The following GAS7 variants were observed in gnomAD, a reference collection of about 807,000 sequenced individuals.
GAS7 encodes growth arrest specific 7.
A neutral mutation model predicts 71.1 loss-of-function variants in GAS7; 28 were observed. The observed-to-expected ratio is 0.39, with a 90% CI of 0.29 to 0.54. The LOEUF (loss-of-function observed/expected upper bound fraction) is 0.54, where lower values mean the gene tolerates loss of function less well. GAS7 is among the 20% of genes least tolerant of loss of function. The pLI is 0.62. For synonymous variants in GAS7, 258 were observed against 245.8 expected (o/e 1.05, Z -0.46); for missense variants, 436 against 627.8 (o/e 0.69, Z 3.27).
chr17:10,037,879 T>A (rs1453428821), intron 1 of GAS7, among the ~76,000 whole-genome samples: 1 of 151,790 alleles, frequency 6.6e-6, no homozygotes, highest in Admixed American at 6.6e-5. Flanking sequence ...GAGTCCAGAC[T>A]GAACAATAAA....
intron 9 of GAS7, among the ~76,000 whole-genome samples, chr17:9,931,366 A>C (rs535706593): frequency 1.3e-5 from 2 of 152,318 alleles, no homozygotes; most frequent in East Asian, 3.9e-4. Context: ...CACTCTAAAC[A>C]ATCAAGAATC....
At position 10,165,998 on chromosome 17, in the gene GAS7, T is replaced by C. The variant is rs1241723764; in HGVS notation, c.183+32210A>G. Among the ~76,000 whole-genome samples, 5 of 126,090 alleles carry C rather than the reference T, an allele frequency of 4.0e-5. No homozygotes were observed. In the East Asian group the frequency reaches 1.1e-3, roughly 27 times the overall value. 82.7% of individuals were successfully genotyped at this position (126,090 alleles called of 152,430 possible). On this transcript the variant is annotated intron_variant, in intron 1 of 13. Coordinates refer to ENST00000432992, the MANE Select transcript of GAS7 (RefSeq NM_201433.2). ...ACCAGGAACCCAGGACTCCTGGCTT[T>C]CTTTTTCTTTTTCTTTTTTTTTTTT...
At position 9,920,910 on chromosome 17, in the gene GAS7, T is replaced by C. The variant is rs566336721; in HGVS notation, c.1139-1205A>G. Among the ~76,000 whole-genome samples, 87 of 152,254 alleles carry C rather than the reference T, an allele frequency of 5.7e-4. No individual in the cohort carries two copies. The Middle Eastern group carries it at 0.014, about 24-fold the overall frequency. ...CCTATAGTATCATCATTGTGGCTCA[T>C]AGGTACTCTGATAGGAAAGTCAAAG... On this transcript the variant is annotated intron_variant, in intron 11 of 13. Transcript: ENST00000432992.
intron 1 of GAS7, among the ~76,000 whole-genome samples, chr17:10,047,258 G>A (rs1170252104): frequency 1.3e-5 from 2 of 152,186 alleles, no homozygotes; most frequent in African/African-American, 4.8e-5. Context: ...GAGACCCCAG[G>A]AACTGTGAGT....
chr17:10,184,962 T>C (rs1252611699), intron 1 of GAS7, among the ~76,000 whole-genome samples: 1 of 149,990 alleles, frequency 6.7e-6, no homozygotes, highest in African/African-American at 2.5e-5. Context: ...TGTTGCTGTG[T>C]CTCACTCAGG....
intron 1 of GAS7, among the ~76,000 whole-genome samples, chr17:10,024,728 T>G (rs145940798): frequency 9.8e-4 from 149 of 152,234 alleles, no homozygotes; most frequent in Middle Eastern, 3.4e-3. Context: ...CAATGATATA[T>G]ATGGAAAGAG....
At chr17:10,158,382 C>T (rs189410618) in intron 1 of GAS7, among the ~76,000 whole-genome samples, 2 of 148,736 alleles carry the variant, frequency 1.3e-5, no homozygotes, top group Non-Finnish European at 3.0e-5. Flanking sequence ...GCAGGGGGCT[C>T]GCATCTGTAA....
chr17:10,085,919 T>G (rs1433535573), intron 1 of GAS7, among the ~76,000 whole-genome samples: 1 of 152,178 alleles, frequency 6.6e-6, no homozygotes, highest in Non-Finnish European at 1.5e-5. Flanking sequence ...CAAATCTGTC[T>G]AACTTGAAAA....
At chr17:10,153,018 C>G (rs536033846) in intron 1 of GAS7, among the ~76,000 whole-genome samples, 1 of 144,974 alleles carries the variant, frequency 6.9e-6, no homozygotes, top group East Asian at 2.0e-4. Context: ...CATGGTAAAA[C>G]CCCATCCCCA....
rs865836334 is a variant in GAS7, at chr17:9,994,152, C to A, written c.305-12268G>T. 5.6e-3 allele frequency among the ~76,000 whole-genome samples: 838 copies of A among 148,426 alleles called. 5 individuals are homozygous for A. The highest frequency in any genetic ancestry group is 8.0e-3 in the Non-Finnish European group (538 of 66,934). On this transcript the variant is annotated intron_variant, in intron 2 of 13. Coordinates refer to ENST00000432992, the MANE Select transcript of GAS7 (RefSeq NM_201433.2). ...TGCCATCCCCATCAAGCTACCAATG[C>A]CTTTCTTCACAGAATTGGAAAAAAC...
At chr17:10,190,194 G>A (rs76673518) in intron 1 of GAS7, among the ~76,000 whole-genome samples, 2 of 152,116 alleles carry the variant, frequency 1.3e-5, no homozygotes, top group Admixed American at 6.6e-5. Context: ...CGATGCAGCC[G>A]TAACTCAGTT....
intron 1 of GAS7, among the ~76,000 whole-genome samples, chr17:10,152,405 T>C (rs1290859180): frequency 6.6e-6 from 1 of 152,192 alleles, no homozygotes; most frequent in African/African-American, 2.4e-5. Context: ...TTCATCACAA[T>C]ACCTTGACTT....
At chr17:10,093,379 G>A (rs1389640417) in intron 1 of GAS7, among the ~76,000 whole-genome samples, 1 of 151,708 alleles carries the variant, frequency 6.6e-6, no homozygotes, top group Non-Finnish European at 1.5e-5. Context: ...AGACCATCCT[G>A]GCTAACATGG....
chr17:10,046,750 AAAAGAAAAGAAAG>A (rs1389754410), intron 1 of GAS7, among the ~76,000 whole-genome samples: 3 of 131,840 alleles, frequency 2.3e-5, no homozygotes, highest in East Asian at 4.2e-4. Context: ...AAAAAAAAAG[AAAAGAAAAGAAAG>A]AAAGAAGAGA....
intron 1 of GAS7, among the ~76,000 whole-genome samples, chr17:10,192,407 A>T (rs2074509283): frequency 6.6e-6 from 1 of 152,208 alleles, no homozygotes. Context: ...CATGTACACA[A>T]GGTTTCCTGG....
chr17:10,004,627 T>C (rs936933964), intron 2 of GAS7, among the ~76,000 whole-genome samples: 13 of 152,216 alleles, frequency 8.5e-5, no homozygotes, highest in African/African-American at 3.1e-4. Flanking sequence ...TGGTGCTTCA[T>C]ACCTGTTGAC....
intron 1 of GAS7, chr17:10,059,789 A>C: frequency 4.1e-6 from 4 of 985,088 alleles, no homozygotes; most frequent in Non-Finnish European, 4.8e-6. Context: ...CGGCTAATTC[A>C]CTGTGCAAAG....
At chr17:10,077,222 T>A (rs1179587346) in intron 1 of GAS7, among the ~76,000 whole-genome samples, 1 of 152,190 alleles carries the variant, frequency 6.6e-6, no homozygotes, top group Non-Finnish European at 1.5e-5. Flanking sequence ...TCCCTTACAC[T>A]ACAGTAAACG....
At chr17:9,931,448 C>T (rs1264879500) in intron 9 of GAS7, among the ~76,000 whole-genome samples, 3 of 152,032 alleles carry the variant, frequency 2.0e-5, no homozygotes, top group Non-Finnish European at 2.9e-5. Flanking sequence ...TTCCAAAGCT[C>T]GCAACTCTGG....
Sources: allele counts gnomAD v4.1 joint callset (sites outside exome capture counted in the v4.1 genomes callset), GRCh38; gene constraint gnomAD v4.1.1; transcripts MANE v1.5; gene names NCBI Gene and HGNC (gene_info 2026-07-23, HGNC 2026-07-21).